USP8: variants seen among roughly 807,000 people sequenced by gnomAD.
USP8 encodes ubiquitin specific peptidase 8, also known as ubiquitin carboxyl-terminal hydrolase 8.
Under a neutral mutation model 130.0 loss-of-function variants are expected in USP8, and 27 were observed. That is an observed-to-expected ratio of 0.21 (90% confidence interval 0.15 to 0.29). The LOEUF is 0.29. Ranked by LOEUF, USP8 falls within the 10% of genes least tolerant of loss-of-function variation. The pLI, the probability that USP8 is intolerant of heterozygous loss-of-function variation, is 1.00. For synonymous variants in USP8, 392 were observed against 444.1 expected (o/e 0.88, Z 1.48); for missense variants, 1,029 against 1,312.2 (o/e 0.78, Z 3.33).
chr15:50,496,135 T>C, intron 17 of USP8, 51 bp downstream of exon 17: 2 of 1,405,566 alleles, frequency 1.4e-6, no homozygotes, highest in Admixed American at 3.9e-5. Context: ...AAATGCTGTT[T>C]TTATGGATAT....
chr15:50,430,578 T>A (rs1269101773), intron 1 of USP8, among the ~76,000 whole-genome samples: 1 of 151,948 alleles, frequency 6.6e-6, no homozygotes, highest in Non-Finnish European at 1.5e-5. Flanking sequence ...TTTATTTTTT[T>A]ATTTTTTTTT....
chr15:50,459,360 G>A (rs2050904674), intron 5 of USP8, among the ~76,000 whole-genome samples, 198 bp downstream of exon 5: 1 of 152,226 alleles, frequency 6.6e-6, no homozygotes, highest in Admixed American at 6.5e-5. Context: ...GAGGCGGGCA[G>A]ATCACTTGAG....
chr15:50,444,946 C>T (rs964997056), intron 3 of USP8, among the ~76,000 whole-genome samples: 4 of 151,992 alleles, frequency 2.6e-5, no homozygotes, highest in Admixed American at 1.3e-4. Flanking sequence ...TTAGTGGAAA[C>T]GAGGTCTTAC....
intron 1 of USP8, among the ~76,000 whole-genome samples, chr15:50,434,540 A>G (rs2050038500): frequency 6.6e-6 from 1 of 151,682 alleles, no homozygotes. Context: ...TGTTAGAAGC[A>G]CGTTAATTTT....
At chr15:50,498,871 A>T (rs1274913511) in intron 19 of USP8, 32 bp from the exon 20 acceptor site, 2 of 1,567,204 alleles carry the variant, frequency 1.3e-6, no homozygotes, top group Non-Finnish European at 1.7e-6. Flanking sequence ...TTTTAACTGA[A>T]TTGATTTTTT....
At chr15:50,463,886 A>G (rs2051097114) in intron 6 of USP8, among the ~76,000 whole-genome samples, 1 of 152,230 alleles carries the variant, frequency 6.6e-6, no homozygotes, top group African/African-American at 2.4e-5. Flanking sequence ...AACATAGGGA[A>G]TATTTATTTT....
intron 12 of USP8, among the ~76,000 whole-genome samples, chr15:50,486,980 C>T (rs569959563): frequency 2.6e-5 from 4 of 151,886 alleles, no homozygotes; most frequent in South Asian, 4.2e-4. Flanking sequence ...AAAAAGTAGC[C>T]GGGTGTGGTG....
At chr15:50,451,107 T>C (rs1237480082) in intron 4 of USP8, among the ~76,000 whole-genome samples, 1 of 152,160 alleles carries the variant, frequency 6.6e-6, no homozygotes, top group African/African-American at 2.4e-5. Context: ...ATCATGTTAC[T>C]TGTATTTAAA....
intron 7 of USP8, chr15:50,466,739 G>T: frequency 4.5e-6 from 1 of 222,112 alleles, no homozygotes; most frequent in Non-Finnish European, 9.1e-6. Flanking sequence ...CACAGCAGCC[G>T]TGGCTTTTAA....
intron 1 of USP8, among the ~76,000 whole-genome samples, chr15:50,431,192 A>AGTGTGTGTGTGTGTGTGTGT (rs1169734396): frequency 1.3e-4 from 1 of 7,674 alleles, no homozygotes; most frequent in African/African-American, 8.4e-4. Flanking sequence ...TGTGTGTGTA[A>AGTGTGTGTGTGTGTGTGTGT]GCAAGAGAAA....
At chr15:50,498,499 G>GCTAAATGT in intron 18 of USP8, 97 bp from the exon 19 acceptor site, 18 of 1,403,846 alleles carry the variant, frequency 1.3e-5, no homozygotes, top group Non-Finnish European at 1.4e-5. Context: ...ATTTGAAATG[G>GCTAAATGT]ATTTTACAGT....
chr15:50,468,808 A>G (rs2051283644), intron 7 of USP8, among the ~76,000 whole-genome samples: 1 of 152,030 alleles, frequency 6.6e-6, no homozygotes, highest in South Asian at 2.1e-4. Flanking sequence ...ACATTATAGT[A>G]TATATACCGA....
intron 5 of USP8, among the ~76,000 whole-genome samples, chr15:50,460,589 G>A (rs1175081531): frequency 6.6e-6 from 1 of 151,654 alleles, no homozygotes; most frequent in East Asian, 2.0e-4. Flanking sequence ...GATTATAGGA[G>A]TGAGCCACCA....
chr15:50,480,213 A>T (rs2051715980), intron 10 of USP8, among the ~76,000 whole-genome samples: 1 of 152,212 alleles, frequency 6.6e-6, no homozygotes, highest in African/African-American at 2.4e-5. Flanking sequence ...TAGTGTTAAC[A>T]TGCTGTTAAA....
intron 1 of USP8, among the ~76,000 whole-genome samples, 161 bp from the exon 2 acceptor site, chr15:50,438,848 C>T (rs1022006345): frequency 3.3e-5 from 5 of 152,094 alleles, no homozygotes; most frequent in African/African-American, 1.2e-4. Flanking sequence ...ACATTCTTCA[C>T]TCATATTCTG....
At position 50,459,013 on chromosome 15, in the gene USP8, G is replaced by A; in HGVS notation, c.349G>A (p.Glu117Lys). The A allele has an allele frequency of 1.2e-6, 2 of 1,613,080 alleles. No individual in the cohort carries two copies. The highest frequency in any genetic ancestry group is 3.8e-4 in the Middle Eastern group (2 of 5,298). ...TTTTTCAACTAGATATGAAGAAGCT[G>A]AAGTCCGGAAAAAACTTGAGGAAAA... ...ESLKLRYEEAEVRKKLEEKDR... is the reference protein window; with the variant it reads ...ESLKLRYEEAKVRKKLEEKDR... Residue 117 changes from glutamate (E) to lysine (K), a missense_variant, in exon 5 of 20, where the codon GAA becomes AAA. Physicochemically the swap from Glu to Lys is moderately conservative, Grantham distance 56. Around this residue, in one of 4 missense-constraint regions of USP8, gnomAD observed 281 missense variants for 336.7 expected, o/e 0.83. Coordinates refer to ENST00000307179, the MANE Select transcript of USP8 (RefSeq NM_005154.5).
rs998584304 is a variant in USP8, at chr15:50,501,073, A to C, written c.*1985A>C. The C allele has an allele frequency of 4.5e-6, 2 of 449,418 alleles. No homozygotes were observed. The highest frequency in any genetic ancestry group is 4.0e-5 in the African/African-American group (2 of 50,586). 27.8% of individuals were successfully genotyped at this position (449,418 alleles called of 1,614,324 possible). A position where few individuals can be genotyped will look rare whatever the true frequency, so the allele number is the denominator to read the frequency against. ...TCATCTGTGAATAAAGAAAGACAAT[A>C]TTTAGCAGCATCTGATTAATGTTTA... is the stretch of plus-strand genomic sequence containing the variant. On this transcript the variant is annotated 3_prime_UTR_variant, in exon 20 of 20. Coordinates refer to ENST00000307179, the MANE Select transcript of USP8 (RefSeq NM_005154.5).
At chr15:50,430,953 G>C (rs905212112) in intron 1 of USP8, among the ~76,000 whole-genome samples, 1 of 152,136 alleles carries the variant, frequency 6.6e-6, no homozygotes, top group Non-Finnish European at 1.5e-5. Context: ...GTAAACTGGC[G>C]TCTAGTAGAG....
At chr15:50,495,097 A>G (rs779505592) in intron 16 of USP8, among the ~76,000 whole-genome samples, 1 of 151,908 alleles carries the variant, frequency 6.6e-6, no homozygotes, top group Non-Finnish European at 1.5e-5. Context: ...GTATGTATAC[A>G]TAAATGACCA....
Sources: gnomAD v4.1 joint callset for allele counts (sites outside exome capture counted in the v4.1 genomes callset) on GRCh38, gnomAD v4.1.1 for gene constraint, gnomAD v4.1.1 regional missense constraint, MANE v1.5 for transcripts, NCBI Gene and HGNC (gene_info 2026-07-23, HGNC 2026-07-21) for gene names.